GRM8: variants seen among roughly 807,000 people sequenced by gnomAD.
GRM8 encodes the protein metabotropic glutamate receptor 8.
GRM8 carries 47 observed loss-of-function variants against 87.2 expected under a neutral mutation model. That is an observed-to-expected ratio of 0.54 (90% confidence interval 0.43 to 0.69). The LOEUF (loss-of-function observed/expected upper bound fraction) is 0.69, where lower values mean the gene tolerates loss of function less well. Ranked by LOEUF, GRM8 falls within the 30% of genes least tolerant of loss-of-function variation. The pLI is 0.00. For missense variants in GRM8, 1,019 were observed against 1,139.2 expected, an observed-to-expected ratio of 0.89 and a Z score of 1.52; for synonymous variants, 396 against 404.5, an observed-to-expected ratio of 0.98 and a Z score of 0.25.
chr7:126,784,722 G>A (rs1820452222), intron 6 of GRM8, among the ~76,000 whole-genome samples: 1 of 152,110 alleles, frequency 6.6e-6, no homozygotes. Context: ...CACTCTATGA[G>A]GCAAGTATTA....
intron 7 of GRM8, among the ~76,000 whole-genome samples, chr7:126,615,104 A>T (rs1444170804): frequency 1.3e-5 from 2 of 152,202 alleles, no homozygotes; most frequent in Non-Finnish European, 2.9e-5. Context: ...GAGGGAAAAA[A>T]TGTTAAGGGC....
intron 6 of GRM8, among the ~76,000 whole-genome samples, chr7:126,828,817 G>T (rs1795071967): frequency 6.6e-6 from 1 of 151,980 alleles, no homozygotes; most frequent in Non-Finnish European, 1.5e-5. Flanking sequence ...TGGGCTTTTA[G>T]TGCTTTCTCT....
intron 8 of GRM8, among the ~76,000 whole-genome samples, chr7:126,602,949 C>T (rs1374709351): frequency 2.2e-5 from 3 of 137,204 alleles, no homozygotes; most frequent in African/African-American, 5.1e-5. Flanking sequence ...CAATTTTAGA[C>T]CAATATCCTT....
At chr7:127,000,708 C>A (rs948596648) in intron 3 of GRM8, among the ~76,000 whole-genome samples, 3 of 151,504 alleles carry the variant, frequency 2.0e-5, no homozygotes, top group African/African-American at 7.3e-5. Context: ...TTACCAGGGG[C>A]TGGAGGGAAT....
chr7:127,007,345 G>A (rs1586734494), intron 3 of GRM8, among the ~76,000 whole-genome samples: 1 of 151,702 alleles, frequency 6.6e-6, no homozygotes, highest in Middle Eastern at 3.2e-3. Context: ...ATCTTAATAT[G>A]GGGGGTAAAA....
At chr7:126,601,797 A>C (rs1450771762) in intron 8 of GRM8, among the ~76,000 whole-genome samples, 12 of 143,096 alleles carry the variant, frequency 8.4e-5, no homozygotes, top group Non-Finnish European at 1.4e-4. Context: ...TTTTCTTGTA[A>C]ATTTGTTTGA....
chr7:127,106,727 A>ACCCATCATTTG lies in GRM8; in HGVS notation c.511-16_511-15insCAAATGATGGG. The ACCCATCATTTG allele has an allele frequency of 6.4e-7, 1 of 1,552,418 alleles. No homozygotes were observed. Among genetic ancestry groups the ACCCATCATTTG allele is most frequent in the Non-Finnish European group, 8.9e-7 (1 of 1,123,838 alleles). On this transcript the variant is annotated splice_polypyrimidine_tract_variant and intron_variant, in intron 2 of 10. Coordinates refer to ENST00000339582, the MANE Select transcript of GRM8 (RefSeq NM_000845.3). ...ATTTGAGGTATCTGCAAAACAAATGATGGGTCATTTCAACCCATGACGAAT... is the reference window on the plus strand; with the variant it reads ...ATTTGAGGTATCTGCAAAACAAATGACCCATCATTTGTGGGTCATTTCAACCCATGACGAAT...
intron 6 of GRM8, among the ~76,000 whole-genome samples, chr7:126,846,998 A>T (rs1796762688): frequency 6.6e-6 from 1 of 152,208 alleles, no homozygotes; most frequent in Non-Finnish European, 1.5e-5. Context: ...GCCTATTTTT[A>T]AAATTATCTC....
At chr7:126,931,720 C>T in intron 3 of GRM8, among the ~76,000 whole-genome samples, 1 of 152,188 alleles carries the variant, frequency 6.6e-6, no homozygotes, top group East Asian at 1.9e-4. Flanking sequence ...AAAACACAGT[C>T]TCCTGCAACA....
At chr7:126,972,998 A>G (rs1397947075) in intron 3 of GRM8, among the ~76,000 whole-genome samples, 1 of 152,244 alleles carries the variant, frequency 6.6e-6, no homozygotes, top group African/African-American at 2.4e-5. Context: ...TAAGATTACA[A>G]TATGAGCCAG....
At chr7:127,108,121 C>T (rs1002417517) in intron 2 of GRM8, among the ~76,000 whole-genome samples, 1 of 152,196 alleles carries the variant, frequency 6.6e-6, no homozygotes, top group African/African-American at 2.4e-5. Context: ...TCCTCCTGCC[C>T]TTTGCCTTCT....
intron 9 of GRM8, among the ~76,000 whole-genome samples, chr7:126,496,029 A>C (rs937659337): frequency 6.6e-6 from 1 of 152,008 alleles, no homozygotes; most frequent in African/African-American, 2.4e-5. Context: ...TGGATTCCAC[A>C]GGGCTCCAGA....
chr7:126,701,767 G>T, intron 7 of GRM8: 1 of 1,267,116 alleles, frequency 7.9e-7, no homozygotes, highest in Non-Finnish European at 1.0e-6. Context: ...CCAACTACTG[G>T]AAAATGAAGG....
Position 126,759,790 on chromosome 7 carries a change from T to C in GRM8, c.1357+10075A>G, listed in dbSNP as rs140461053. ...TCCATATATTGTACAGTTTATATAT[T>C]TTTAAGTATTGTCTATGTATCATCA... On this transcript the variant is annotated intron_variant, in intron 7 of 10. Transcript: ENST00000339582. Among the ~76,000 whole-genome samples, 12 of 152,348 alleles carry C rather than the reference T, an allele frequency of 7.9e-5. No homozygotes were observed. The East Asian group carries it at 2.3e-3, about 29-fold the overall frequency.
At chr7:126,824,626 C>T (rs559340598) in intron 6 of GRM8, among the ~76,000 whole-genome samples, 96 of 152,300 alleles carry the variant, frequency 6.3e-4, no homozygotes, top group African/African-American at 2.3e-3. Context: ...TTTTATCTTT[C>T]TATTTGTCAG....
intron 2 of GRM8, among the ~76,000 whole-genome samples, chr7:127,209,635 G>A (rs1796104455): frequency 6.6e-6 from 1 of 152,070 alleles, no homozygotes; most frequent in East Asian, 1.9e-4. Flanking sequence ...AGGGTCCTTT[G>A]GGGATTGTAA....
intron 3 of GRM8, among the ~76,000 whole-genome samples, chr7:127,090,123 C>T (rs1823906991): frequency 6.6e-6 from 1 of 152,164 alleles, no homozygotes; most frequent in Non-Finnish European, 1.5e-5. Context: ...CAAGCCAATC[C>T]CAGCTCTTGC....
At chr7:126,892,369 G>A (rs1801125188) in intron 6 of GRM8, among the ~76,000 whole-genome samples, 3 of 152,148 alleles carry the variant, frequency 2.0e-5, no homozygotes, top group South Asian at 4.1e-4. Context: ...TCCCACCTAT[G>A]AGTGAGAACA....
intron 9 of GRM8, among the ~76,000 whole-genome samples, chr7:126,527,973 A>C (rs2150827568): frequency 6.6e-6 from 1 of 152,322 alleles, no homozygotes; most frequent in Non-Finnish European, 1.5e-5. Flanking sequence ...TGGGAGGCTA[A>C]GGCGGGCGGA....
Sources: allele counts gnomAD v4.1 joint callset (sites outside exome capture counted in the v4.1 genomes callset), GRCh38; gene constraint gnomAD v4.1.1; transcripts MANE v1.5; gene names NCBI Gene and HGNC (gene_info 2026-07-23, HGNC 2026-07-21).